Variants in GDI2 observed in about 807,000 individuals in gnomAD.
GDI2 encodes the protein GDP dissociation inhibitor 2.
In GDI2, 22 loss-of-function variants were observed where a neutral mutation model predicts 54.2. The ratio of observed to expected loss-of-function variants is 0.41; its 90% CI spans 0.29 to 0.58. The LOEUF is 0.58. Among genes scored for constraint, GDI2 ranks in the 20% least tolerant of loss-of-function variants. The pLI is 0.35. For synonymous variants in GDI2, 177 were observed against 182.1 expected, an observed-to-expected ratio of 0.97 and a Z score of 0.23; for missense variants, 422 against 546.0, an observed-to-expected ratio of 0.77 and a Z score of 2.26.
intron 6 of GDI2, among the ~76,000 whole-genome samples, chr10:5,779,168 T>C (rs1203557564): frequency 6.6e-6 from 1 of 152,210 alleles, no homozygotes; most frequent in African/African-American, 2.4e-5. Flanking sequence ...GATAAATATG[T>C]TGTTATAAAT....
chr10:5,781,941 A>T (rs1840766560), intron 6 of GDI2, among the ~76,000 whole-genome samples: 1 of 152,210 alleles, frequency 6.6e-6, no homozygotes, highest in Non-Finnish European at 1.5e-5. Context: ...TGAACCTGGG[A>T]GGCAGAGGTT....
chr10:5,795,185 G>A (rs867319257), intron 3 of GDI2, among the ~76,000 whole-genome samples, 166 bp from the exon 4 acceptor site: 2 of 152,132 alleles, frequency 1.3e-5, no homozygotes, highest in Admixed American at 6.5e-5. Flanking sequence ...CTACAGTGCA[G>A]TGGCACAATC....
At chr10:5,777,008 C>T (rs1399179424) in intron 6 of GDI2, 1 of 485,772 alleles carries the variant, frequency 2.1e-6, no homozygotes, top group Non-Finnish European at 3.6e-6. Flanking sequence ...ATTGCCAGGA[C>T]TTGGCAAACA....
chr10:5,775,430 G>A (rs948759978), intron 6 of GDI2, among the ~76,000 whole-genome samples: 4 of 152,198 alleles, frequency 2.6e-5, no homozygotes, highest in Admixed American at 1.3e-4. Context: ...CCCTCAGGCA[G>A]CAACTTCCCT....
intron 4 of GDI2, among the ~76,000 whole-genome samples, chr10:5,788,593 T>TA (rs956042364): frequency 1.3e-5 from 2 of 152,144 alleles, no homozygotes; most frequent in Non-Finnish European, 2.9e-5. Flanking sequence ...TAATGAGCTT[T>TA]AAAAAAATTG....
intron 1 of GDI2, among the ~76,000 whole-genome samples, chr10:5,812,579 C>T (rs148200304): frequency 7.2e-6 from 1 of 138,956 alleles, no homozygotes; most frequent in Admixed American, 7.1e-5. Flanking sequence ...TACAGATGCT[C>T]AGTAAGTGAG....
At chr10:5,785,557 GT>G (rs1840854745) in intron 5 of GDI2, among the ~76,000 whole-genome samples, 2 of 152,030 alleles carry the variant, frequency 1.3e-5, no homozygotes, top group East Asian at 3.9e-4. Flanking sequence ...TGCATTTTTA[GT>G]AGAGAGGGGG....
At chr10:5,793,176 G>T (rs1841056165) in intron 4 of GDI2, among the ~76,000 whole-genome samples, 2 of 151,798 alleles carry the variant, frequency 1.3e-5, no homozygotes, top group African/African-American at 2.4e-5. Flanking sequence ...CTTATTTTTT[G>T]AAGAGACAGG....
At chr10:5,779,315 C>T (rs1041250565) in intron 6 of GDI2, among the ~76,000 whole-genome samples, 3 of 151,956 alleles carry the variant, frequency 2.0e-5, no homozygotes, top group African/African-American at 4.8e-5. Context: ...TGAGACCATC[C>T]TGGCCAACAT....
intron 1 of GDI2, among the ~76,000 whole-genome samples, chr10:5,803,747 A>G (rs1225412180): frequency 3.3e-5 from 5 of 152,148 alleles, no homozygotes; most frequent in Admixed American, 6.5e-5. Context: ...AACCAAATTA[A>G]GAAGAGGGAA....
chr10:5,766,270 C>T lies in GDI2; in HGVS notation c.1162G>A (p.Val388Ile), dbSNP rs1293583657. The change falls in exon 10 of 11, where the codon GTA becomes ATA. Residue 388 changes from valine to isoleucine, a missense_variant. Coordinates refer to ENST00000380191, the MANE Select transcript of GDI2 (RefSeq NM_001494.4). This position sits in a 1 kb window ranked among gnomAD's most constrained non-coding sequence, Gnocchi z 5.8. Reference sequence around the variant, plus strand: ...CTTTCTGTTCCCAAGTCTTTTGGTACCAGGAGGTCACTGATGCTAACAAAT... The same window carrying T: ...CTTTCTGTTCCCAAGTCTTTTGGTATCAGGAGGTCACTGATGCTAACAAAT... The part of the protein sequence containing the change: ...QKFVSISDLL[V>I]PKDLGTESQI... 1 of 1,613,520 alleles carries T rather than the reference C, an allele frequency of 6.2e-7. No individual in the cohort carries two copies. Among genetic ancestry groups the T allele is most frequent in the Admixed American group, 1.7e-5 (1 of 60,016 alleles).
chr10:5,800,560 A>T (rs1290637292), intron 2 of GDI2, 38 bp downstream of exon 2: 1 of 930,956 alleles, frequency 1.1e-6, no homozygotes, highest in Admixed American at 1.7e-5. Context: ...AAATACTCAC[A>T]AAGTGTGAGA....
chr10:5,802,207 T>C (rs572026154), intron 1 of GDI2, among the ~76,000 whole-genome samples: 1 of 152,236 alleles, frequency 6.6e-6, no homozygotes, highest in African/African-American at 2.4e-5. Flanking sequence ...CAAACTATGA[T>C]TATTCAGATT....
rs1247385187 is a variant in GDI2, at chr10:5,765,498, T to A, written c.*508A>T. The A allele has an allele frequency of 6.6e-6, 1 of 152,630 alleles. No homozygotes were observed. Among genetic ancestry groups the A allele is most frequent in the African/African-American group, 2.4e-5 (1 of 41,454 alleles). 9.5% of individuals were successfully genotyped at this position (152,630 alleles called of 1,614,324 possible). A position where few individuals can be genotyped will look rare whatever the true frequency, so the allele number is the denominator to read the frequency against. ...GTTTGGTTAGAATTTTATGCCCACA[T>A]AAACCAAACTTGTGGCTATGCTATT... On this transcript the variant is annotated 3_prime_UTR_variant, in exon 11 of 11. Coordinates refer to ENST00000380191, the MANE Select transcript of GDI2 (RefSeq NM_001494.4).
intron 2 of GDI2, among the ~76,000 whole-genome samples, 174 bp downstream of exon 2, chr10:5,800,422 CAA>C (rs1214351950): frequency 3.3e-5 from 5 of 152,176 alleles, no homozygotes; most frequent in Admixed American, 2.6e-4. Flanking sequence ...CACATAGCAA[CAA>C]AAGTCAAAAT....
intron 1 of GDI2, among the ~76,000 whole-genome samples, chr10:5,805,819 G>C (rs1367040359): frequency 6.6e-6 from 1 of 152,202 alleles, no homozygotes. Context: ...TGTAATATCC[G>C]AGTTGGGGCC....
At chr10:5,789,530 T>A (rs1051874491) in intron 4 of GDI2, among the ~76,000 whole-genome samples, 1 of 152,092 alleles carries the variant, frequency 6.6e-6, no homozygotes, top group African/African-American at 2.4e-5. Flanking sequence ...CAAGCAATCC[T>A]CCTGCCTTGG....
rs1165735549 is a variant in GDI2, at chr10:5,794,188, A to AAT, written c.388+695_388+696dup. Among the ~76,000 whole-genome samples the AAT allele has an allele frequency of 2.6e-3, 103 of 40,344 alleles. 1 individual carries two copies. Among genetic ancestry groups the AAT allele is most frequent in the Non-Finnish European group, 3.3e-3 (78 of 23,836 alleles). The allele number at this position is 40,344 out of a possible 152,430, so 26.5% of individuals were successfully genotyped here. A position where few individuals can be genotyped will look rare whatever the true frequency, so the allele number is the denominator to read the frequency against. On this transcript the variant is annotated intron_variant, in intron 4 of 10. Coordinates refer to ENST00000380191, the MANE Select transcript of GDI2 (RefSeq NM_001494.4). Reference sequence around the variant, plus strand: ...TCTTTAAAAGAAAAAAAAAAAAAAAAATATATATATATATATATATATATA... The same window carrying AAT: ...TCTTTAAAAGAAAAAAAAAAAAAAAAATATATATATATATATATATATATATA...
At chr10:5,773,721 T>A in intron 7 of GDI2, 121 bp downstream of exon 7, 1 of 646,674 alleles carries the variant, frequency 1.5e-6, no homozygotes, top group South Asian at 1.8e-5. Context: ...TTAGTCACAA[T>A]AAATACTAAC....
Sources: gnomAD v4.1 joint callset for allele counts (sites outside exome capture counted in the v4.1 genomes callset) on GRCh38, gnomAD v4.1.1 for gene constraint, Gnocchi (gnomAD v3.1) non-coding constraint, MANE v1.5 for transcripts, NCBI Gene and HGNC (gene_info 2026-07-23, HGNC 2026-07-21) for gene names.